The following MDGA2 variants were observed in gnomAD, a reference collection of about 807,000 sequenced individuals.
MDGA2 encodes MAM domain containing glycosylphosphatidylinositol anchor 2.
MDGA2 carries 40 observed loss-of-function variants against 117.8 expected under a neutral mutation model. That is an observed-to-expected ratio of 0.34 (90% confidence interval 0.26 to 0.44). The LOEUF (loss-of-function observed/expected upper bound fraction) is 0.44, where lower values mean the gene tolerates loss of function less well. MDGA2 is among the 20% of genes least tolerant of loss of function. The pLI, the probability that MDGA2 is intolerant of heterozygous loss-of-function variation, is 1.00. For missense variants in MDGA2, 1,123 were observed against 1,250.6 expected (o/e 0.90, Z 1.54); for synonymous variants, 452 against 439.0 (o/e 1.03, Z -0.37).
intron 7 of MDGA2, among the ~76,000 whole-genome samples, chr14:47,045,090 A>G (rs1206031366): frequency 6.6e-6 from 1 of 152,188 alleles, no homozygotes; most frequent in African/African-American, 2.4e-5. Flanking sequence ...TCAATAGAAT[A>G]CAAAGTGTAA....
At chr14:47,529,092 G>A (rs567462066) in intron 1 of MDGA2, among the ~76,000 whole-genome samples, 6 of 151,380 alleles carry the variant, frequency 4.0e-5, no homozygotes, top group Non-Finnish European at 7.4e-5. Flanking sequence ...TCCGCCCCCC[G>A]GGTTCACACC....
intron 1 of MDGA2, among the ~76,000 whole-genome samples, chr14:47,312,908 A>T (rs1004761488): frequency 2.3e-5 from 3 of 129,762 alleles, no homozygotes; most frequent in African/African-American, 8.9e-5. Flanking sequence ...CAAGATTTTT[A>T]AATTTAATTA....
chr14:47,195,449 T>C (rs972091485), intron 3 of MDGA2, among the ~76,000 whole-genome samples: 4 of 151,954 alleles, frequency 2.6e-5, no homozygotes, highest in Non-Finnish European at 1.5e-5. Context: ...GCAGGGTGTA[T>C]TGGATGTGTT....
At chr14:47,500,011 G>A (rs1445987107) in intron 1 of MDGA2, among the ~76,000 whole-genome samples, 3 of 151,740 alleles carry the variant, frequency 2.0e-5, no homozygotes, top group Admixed American at 6.6e-5. Context: ...TGTTTAAAGC[G>A]ATTTAAAAAA....
At chr14:47,092,417 A>C (rs1209127025) in intron 6 of MDGA2, among the ~76,000 whole-genome samples, 1 of 152,164 alleles carries the variant, frequency 6.6e-6, no homozygotes, top group African/African-American at 2.4e-5. Context: ...TTTTTGGAGA[A>C]AGTGGAAGAA....
At chr14:47,617,068 G>A (rs935854849) in intron 1 of MDGA2, among the ~76,000 whole-genome samples, 2 of 152,084 alleles carry the variant, frequency 1.3e-5, no homozygotes, top group Non-Finnish European at 2.9e-5. Context: ...GTATGATCTT[G>A]TTACTAAATA....
chr14:47,123,337 A>G (rs946381925), intron 5 of MDGA2, among the ~76,000 whole-genome samples: 11 of 152,074 alleles, frequency 7.2e-5, no homozygotes, highest in African/African-American at 1.9e-4. Context: ...ATTTTAAAAA[A>G]TCTGGGTCAT....
At chr14:47,137,747 TAAAGA>T (rs1882527128) in intron 4 of MDGA2, among the ~76,000 whole-genome samples, 3 of 151,992 alleles carry the variant, frequency 2.0e-5, no homozygotes, top group Admixed American at 2.0e-4. Context: ...AAATGGACTG[TAAAGA>T]ATAGACAAAA....
chr14:47,390,121 C>T (rs2138435881), intron 1 of MDGA2, among the ~76,000 whole-genome samples: 1 of 152,174 alleles, frequency 6.6e-6, no homozygotes, highest in East Asian at 1.9e-4. Context: ...TTAAAACGGT[C>T]CCTAAAGGCA....
chr14:46,950,411 T>A (rs1259155653), intron 9 of MDGA2, among the ~76,000 whole-genome samples: 2 of 151,896 alleles, frequency 1.3e-5, no homozygotes, highest in African/African-American at 4.8e-5. Flanking sequence ...TGTAGTAGGG[T>A]TGTTGGAGAT....
intron 2 of MDGA2, among the ~76,000 whole-genome samples, chr14:47,222,989 T>C (rs1253786668): frequency 2.0e-5 from 3 of 152,206 alleles, no homozygotes; most frequent in Non-Finnish European, 4.4e-5. Context: ...TTGGACTTAC[T>C]GTTCCAAATG....
chr14:46,967,344 A>G (rs973617472), intron 8 of MDGA2, among the ~76,000 whole-genome samples: 1 of 152,192 alleles, frequency 6.6e-6, no homozygotes, highest in Non-Finnish European at 1.5e-5. Flanking sequence ...AAGCATGCCC[A>G]ACCAAATACT....
intron 1 of MDGA2, among the ~76,000 whole-genome samples, chr14:47,496,749 T>C (rs1049017985): frequency 1.2e-4 from 18 of 150,354 alleles, no homozygotes; most frequent in Middle Eastern, 3.5e-3. Flanking sequence ...TATAATATGC[T>C]CAGTAATCTA....
At chr14:46,956,774 T>A (rs1352907237) in intron 9 of MDGA2, among the ~76,000 whole-genome samples, 1 of 152,172 alleles carries the variant, frequency 6.6e-6, no homozygotes, top group Non-Finnish European at 1.5e-5. Flanking sequence ...AAATCTCATG[T>A]GGAATTGTAA....
chr14:47,301,348 C>T (rs1461277509), intron 2 of MDGA2, 63 bp downstream of exon 2: 10 of 1,520,166 alleles, frequency 6.6e-6, no homozygotes, highest in Admixed American at 4.0e-5. Context: ...CTAAAATATA[C>T]ACTTTTTGAC....
intron 1 of MDGA2, among the ~76,000 whole-genome samples, chr14:47,407,473 C>A (rs970372128): frequency 6.6e-6 from 1 of 152,076 alleles, no homozygotes; most frequent in East Asian, 1.9e-4. Context: ...CAACTGGAAT[C>A]TTTGTGAATT....
At chr14:47,314,931 T>C (rs780572815) in intron 1 of MDGA2, among the ~76,000 whole-genome samples, 2 of 152,154 alleles carry the variant, frequency 1.3e-5, no homozygotes, top group Non-Finnish European at 2.9e-5. Flanking sequence ...ACCCCATTAA[T>C]GTACTATTGC....
chr14:47,628,605 ACTCC>A (rs1457724755), intron 1 of MDGA2, among the ~76,000 whole-genome samples: 17 of 152,238 alleles, frequency 1.1e-4, no homozygotes, highest in African/African-American at 3.1e-4. Flanking sequence ...ACCAACCAAA[ACTCC>A]TAAGACTAAA....
At chr14:47,432,825 T>C (rs1453457659) in intron 1 of MDGA2, among the ~76,000 whole-genome samples, 2 of 152,100 alleles carry the variant, frequency 1.3e-5, no homozygotes, top group Non-Finnish European at 2.9e-5. Flanking sequence ...TTTATTTTAT[T>C]TTGTTGGATG....
Sources: allele counts gnomAD v4.1 joint callset (sites outside exome capture counted in the v4.1 genomes callset), GRCh38; gene constraint gnomAD v4.1.1; transcripts MANE v1.5; gene names NCBI Gene and HGNC (gene_info 2026-07-23, HGNC 2026-07-21).